Variants in LRRC4C observed in about 807,000 individuals in gnomAD.
LRRC4C encodes the protein leucine rich repeat containing 4C, also known as leucine-rich repeat-containing protein 4C.
Under a neutral mutation model 33.6 loss-of-function variants are expected in LRRC4C, and 5 were observed. That is an observed-to-expected ratio of 0.15 (90% CI 0.08 to 0.31). The LOEUF (loss-of-function observed/expected upper bound fraction) is 0.31. Ranked by LOEUF, LRRC4C falls within the 10% of genes least tolerant of loss-of-function variation. LRRC4C has a pLI of 1.00. For synonymous variants in LRRC4C, 329 were observed against 302.0 expected (o/e 1.09, Z -0.93); for missense variants, 560 against 796.7 (o/e 0.70, Z 3.58).
At chr11:40,469,769 GT>G (rs1952835758) in intron 3 of LRRC4C, among the ~76,000 whole-genome samples, 1 of 152,174 alleles carries the variant, frequency 6.6e-6, no homozygotes, top group African/African-American at 2.4e-5. Flanking sequence ...CCTCTGAGAA[GT>G]TTGAACTGGG....
At chr11:40,948,583 G>T (rs1265031299) in intron 1 of LRRC4C, among the ~76,000 whole-genome samples, 2 of 139,458 alleles carry the variant, frequency 1.4e-5, no homozygotes, top group African/African-American at 5.4e-5. Context: ...TGTTCTCATT[G>T]TTCAATTCCC....
intron 1 of LRRC4C, among the ~76,000 whole-genome samples, chr11:41,367,698 G>A (rs991656277): frequency 6.6e-6 from 1 of 151,962 alleles, no homozygotes; most frequent in Non-Finnish European, 1.5e-5. Context: ...TAGACACTCG[G>A]TATGGGCTCC....
At chr11:40,273,504 C>A (rs1041534650) in intron 4 of LRRC4C, among the ~76,000 whole-genome samples, 10 of 152,134 alleles carry the variant, frequency 6.6e-5, no homozygotes, top group African/African-American at 2.4e-4. Flanking sequence ...CAACATTTTT[C>A]TCTTAATCCA....
chr11:41,347,071 G>C (rs1479143400), intron 1 of LRRC4C, among the ~76,000 whole-genome samples: 1 of 152,076 alleles, frequency 6.6e-6, no homozygotes, highest in East Asian at 1.9e-4. Flanking sequence ...ATGTATACAT[G>C]CCCATTACTC....
chr11:40,131,282 C>T (rs974342266), intron 6 of LRRC4C, among the ~76,000 whole-genome samples: 3 of 151,980 alleles, frequency 2.0e-5, no homozygotes. Flanking sequence ...GTTTAAATGG[C>T]AAAGAGAGGG....
chr11:41,280,300 G>T (rs1475765875), intron 1 of LRRC4C, among the ~76,000 whole-genome samples: 2 of 152,120 alleles, frequency 1.3e-5, no homozygotes, highest in African/African-American at 4.8e-5. Context: ...ATGTGAAGTG[G>T]ACCCTTAGCT....
At chr11:41,437,507 G>A (rs1451949022) in intron 1 of LRRC4C, among the ~76,000 whole-genome samples, 3 of 151,940 alleles carry the variant, frequency 2.0e-5, no homozygotes, top group Admixed American at 1.3e-4. Flanking sequence ...TTCAAAGATA[G>A]GAACAGTTCA....
At chr11:40,454,519 A>G (rs1225813498) in intron 3 of LRRC4C, among the ~76,000 whole-genome samples, 1 of 152,096 alleles carries the variant, frequency 6.6e-6, no homozygotes, top group Non-Finnish European at 1.5e-5. Context: ...ACAAAGGGAG[A>G]TTTATCTGAA....
chr11:40,333,737 A>AG (rs1946467984), intron 3 of LRRC4C, among the ~76,000 whole-genome samples: 1 of 151,384 alleles, frequency 6.6e-6, no homozygotes, highest in Non-Finnish European at 1.5e-5. Flanking sequence ...AAAAAAAAAA[A>AG]AAAAGAATTC....
intron 1 of LRRC4C, among the ~76,000 whole-genome samples, chr11:41,427,234 ATTTGTTCATTTAG>A (rs1262043383): frequency 6.6e-6 from 1 of 151,908 alleles, no homozygotes; most frequent in East Asian, 1.9e-4. Context: ...AAGTTTATTA[ATTTGTTCATTTAG>A]TAGAGATTTT....
At chr11:40,274,375 G>A (rs754464296) in intron 4 of LRRC4C, among the ~76,000 whole-genome samples, 2 of 149,506 alleles carry the variant, frequency 1.3e-5, no homozygotes, top group Non-Finnish European at 3.0e-5. Flanking sequence ...GTTAATTAGT[G>A]GAAGCTAGTA....
rs1018422506 is a variant in LRRC4C at position 41,064,475 on chromosome 11, G to C, written c.-495-130752C>G. 2.0e-5 allele frequency among the ~76,000 whole-genome samples: 3 copies of C among 152,284 alleles called. No homozygotes were observed. In the East Asian group the frequency reaches 5.8e-4, roughly 29 times the overall value. On this transcript the variant is annotated intron_variant, in intron 1 of 6. Transcript: ENST00000528697. ...TTTTTTCCTGGAATACTCATATTTT[G>C]CAGAGTACACTGGAACAGCTGAACA...
intron 4 of LRRC4C, among the ~76,000 whole-genome samples, chr11:40,271,994 T>C (rs1453997311): frequency 6.6e-6 from 1 of 152,150 alleles, no homozygotes; most frequent in Non-Finnish European, 1.5e-5. Flanking sequence ...AAGTCAGTGC[T>C]ATAAAATACC....
chr11:40,403,114 G>A (rs1183962365), intron 3 of LRRC4C, among the ~76,000 whole-genome samples: 2 of 152,010 alleles, frequency 1.3e-5, no homozygotes, highest in Non-Finnish European at 2.9e-5. Flanking sequence ...TATTCTGGGT[G>A]TTATTTTCTT....
At chr11:40,626,161 G>A (rs1328997482) in intron 3 of LRRC4C, among the ~76,000 whole-genome samples, 1 of 152,052 alleles carries the variant, frequency 6.6e-6, no homozygotes, top group Non-Finnish European at 1.5e-5. Flanking sequence ...TTCAAACACA[G>A]TAGTCTCCTT....
chr11:40,730,105 T>C (rs1480376777), intron 2 of LRRC4C, among the ~76,000 whole-genome samples: 1 of 149,558 alleles, frequency 6.7e-6, no homozygotes, highest in African/African-American at 2.5e-5. Context: ...GGGACTGTTG[T>C]GGGGTTGGGG....
chr11:41,444,902 C>T (rs889544181), intron 1 of LRRC4C, among the ~76,000 whole-genome samples: 3 of 151,450 alleles, frequency 2.0e-5, no homozygotes, highest in African/African-American at 7.3e-5. Flanking sequence ...CTCCCGGGTT[C>T]AAGTGATTCT....
At chr11:41,207,632 G>GA (rs1322228268) in intron 1 of LRRC4C, among the ~76,000 whole-genome samples, 1 of 151,896 alleles carries the variant, frequency 6.6e-6, no homozygotes, top group African/African-American at 2.4e-5. Context: ...TCTCCCTCTT[G>GA]ATTTTTCTCT....
chr11:41,037,126 T>C (rs1857126691), intron 1 of LRRC4C, among the ~76,000 whole-genome samples: 2 of 147,070 alleles, frequency 1.4e-5, no homozygotes, highest in Non-Finnish European at 3.0e-5. Context: ...CATCAAAGGC[T>C]TTTTTCTCTC....
Sources: gnomAD v4.1 joint callset for allele counts (sites outside exome capture counted in the v4.1 genomes callset) on GRCh38, gnomAD v4.1.1 for gene constraint, MANE v1.5 for transcripts, NCBI Gene and HGNC (gene_info 2026-07-23, HGNC 2026-07-21) for gene names.